NAV3: variants seen among roughly 807,000 people sequenced by gnomAD.
NAV3 encodes the protein neuron navigator 3.
Under a neutral mutation model 244.7 loss-of-function variants are expected in NAV3, and 87 were observed. The observed-to-expected ratio is 0.36, with a 90% CI of 0.30 to 0.42. The LOEUF (loss-of-function observed/expected upper bound fraction) is 0.42. Among genes scored for constraint, NAV3 ranks in the 20% least tolerant of loss-of-function variants. The pLI is 1.00. For missense variants in NAV3, 2,663 were observed against 2,893.3 expected (o/e 0.92, Z 1.83); for synonymous variants, 1,126 against 1,042.2 (o/e 1.08, Z -1.55).
At chr12:77,985,461 G>A (rs570933060) in intron 5 of NAV3, among the ~76,000 whole-genome samples, 2 of 151,950 alleles carry the variant, frequency 1.3e-5, no homozygotes, top group Non-Finnish European at 2.9e-5. Flanking sequence ...TACTTTATAA[G>A]TTAATCTTTA....
At chr12:77,836,233 A>AT (rs1427992788) in intron 1 of NAV3, among the ~76,000 whole-genome samples, 1 of 152,222 alleles carries the variant, frequency 6.6e-6, no homozygotes, top group Non-Finnish European at 1.5e-5. Flanking sequence ...CCAATTAAGC[A>AT]TTAAACATCC....
At chr12:77,599,846 A>C (rs1384628219) in intron 2 of NAV3, among the ~76,000 whole-genome samples, 1 of 151,946 alleles carries the variant, frequency 6.6e-6, no homozygotes, top group African/African-American at 2.4e-5. Flanking sequence ...TTTTCAGTTT[A>C]TGGGAAGTCA....
intron 2 of NAV3, among the ~76,000 whole-genome samples, chr12:77,824,221 A>T (rs991467015): frequency 1.3e-5 from 2 of 149,614 alleles, no homozygotes; most frequent in Admixed American, 1.3e-4. Context: ...CTGCAGGCGC[A>T]TGCCACCACG....
chr12:78,005,783 T>G (rs541521948), intron 7 of NAV3, among the ~76,000 whole-genome samples: 1 of 152,332 alleles, frequency 6.6e-6, no homozygotes, highest in South Asian at 2.1e-4. Context: ...ATATGAGCCC[T>G]TCCCACTTCA....
chr12:77,725,468 G>T (rs1164415809), intron 2 of NAV3, among the ~76,000 whole-genome samples: 1 of 137,900 alleles, frequency 7.3e-6, no homozygotes, highest in Non-Finnish European at 1.6e-5. Flanking sequence ...GCCTTTGCAA[G>T]TTAGATAGTT....
intron 1 of NAV3, among the ~76,000 whole-genome samples, chr12:77,902,765 T>A (rs1292979958): frequency 6.6e-6 from 1 of 152,172 alleles, no homozygotes; most frequent in African/African-American, 2.4e-5. Flanking sequence ...GCCCAAAATC[T>A]CCTTAAGCTG....
chr12:77,977,250 G>T (rs1187613667), intron 5 of NAV3, among the ~76,000 whole-genome samples: 2 of 151,992 alleles, frequency 1.3e-5, no homozygotes, highest in Admixed American at 1.3e-4. Context: ...ATTGGAATCT[G>T]TACAAAAGAG....
At chr12:77,725,691 T>C (rs374226405) in intron 2 of NAV3, among the ~76,000 whole-genome samples, 1 of 152,018 alleles carries the variant, frequency 6.6e-6, no homozygotes, top group East Asian at 1.9e-4. Flanking sequence ...AGTTTCCTGT[T>C]GTTGCTATAA....
intron 31 of NAV3, 78 bp from the exon 32 acceptor site, chr12:78,188,170 A>G: frequency 1.8e-6 from 2 of 1,090,628 alleles, no homozygotes; most frequent in South Asian, 2.8e-5. Flanking sequence ...AACTACATTA[A>G]CTAATTTTAG....
At chr12:78,166,006 T>C (rs1180023456) in intron 23 of NAV3, among the ~76,000 whole-genome samples, 1 of 151,734 alleles carries the variant, frequency 6.6e-6, no homozygotes, top group Admixed American at 6.6e-5. Context: ...GTTAAAGTTT[T>C]ATGTTATTCT....
At chr12:78,148,033 A>G (rs1197746634) in intron 21 of NAV3, among the ~76,000 whole-genome samples, 1 of 152,106 alleles carries the variant, frequency 6.6e-6, no homozygotes, top group East Asian at 1.9e-4. Context: ...AACTTTAAAC[A>G]TGATATAATA....
At chr12:77,588,796 T>G (rs1869764103) in intron 2 of NAV3, among the ~76,000 whole-genome samples, 1 of 152,128 alleles carries the variant, frequency 6.6e-6, no homozygotes, top group Non-Finnish European at 1.5e-5. Context: ...AGGAAAAAAT[T>G]ATAATTTTGA....
chr12:78,042,443 T>C (rs1881021708), intron 9 of NAV3, among the ~76,000 whole-genome samples: 1 of 152,220 alleles, frequency 6.6e-6, no homozygotes. Context: ...CATTCAATGT[T>C]TGTCAGTCTT....
At chr12:78,199,605 T>C in intron 37 of NAV3, 74 bp downstream of exon 37, 1 of 1,114,154 alleles carries the variant, frequency 9.0e-7, no homozygotes. Context: ...GATTGGATGG[T>C]AGAAAATAAC....
At chr12:77,897,936 C>T (rs1276002194) in intron 1 of NAV3, among the ~76,000 whole-genome samples, 2 of 152,100 alleles carry the variant, frequency 1.3e-5, no homozygotes, top group African/African-American at 2.4e-5. Context: ...GAGTGGTTGG[C>T]CTCCCAGCTA....
chr12:78,119,146 A>G, intron 14 of NAV3, 91 bp from the exon 15 acceptor site: 1 of 1,201,724 alleles, frequency 8.3e-7, no homozygotes, highest in South Asian at 1.5e-5. Context: ...AAATAATATA[A>G]AGAAGCATTC....
chr12:77,852,798 A>G (rs137919784), intron 1 of NAV3, among the ~76,000 whole-genome samples: 1,580 of 152,328 alleles, frequency 0.01, 21 homozygotes, highest in African/African-American at 0.033. Context: ...ATTTACAATT[A>G]CAATTTAGAT....
intron 1 of NAV3, among the ~76,000 whole-genome samples, chr12:77,910,755 G>T (rs1270393): frequency 0.11 from 16,773 of 152,046 alleles, 1,062 homozygotes; most frequent in South Asian, 0.2. Context: ...CACACAGGCT[G>T]CACCTTATAT....
chr12:77,573,212 C>A (rs1191578270), intron 2 of NAV3, among the ~76,000 whole-genome samples: 1 of 152,170 alleles, frequency 6.6e-6, no homozygotes, highest in Non-Finnish European at 1.5e-5. Flanking sequence ...TTACTGTTCA[C>A]TTCTCACATC....
Sources: allele counts gnomAD v4.1 joint callset (sites outside exome capture counted in the v4.1 genomes callset), GRCh38; gene constraint gnomAD v4.1.1; transcripts MANE v1.5; gene names NCBI Gene and HGNC (gene_info 2026-07-23, HGNC 2026-07-21).